Variants in B3GNT5 observed in about 807,000 individuals in gnomAD.
B3GNT5 encodes the protein lactosylceramide 1,3-N-acetyl-beta-D-glucosaminyltransferase.
Under a neutral mutation model 25.9 loss-of-function variants are expected in B3GNT5, and 11 were observed. The observed-to-expected ratio is 0.42, with a 90% CI of 0.27 to 0.70. B3GNT5 has a LOEUF of 0.70. Among genes scored for constraint, B3GNT5 ranks in the 30% least tolerant of loss-of-function variants. The probability of loss-of-function intolerance (pLI) is 0.23; values close to 1 mark genes in which losing one functional copy is unlikely to be tolerated. For missense variants in B3GNT5, 385 were observed against 458.4 expected (o/e 0.84, Z 1.46); for synonymous variants, 166 against 158.6 (o/e 1.05, Z -0.35).
chr3:183,271,068 T>A lies in B3GNT5; in HGVS notation c.*133T>A. 2 of 805,816 alleles carry A rather than the reference T, an allele frequency of 2.5e-6. No homozygotes were observed. The highest frequency in any genetic ancestry group is 5.0e-5 in the South Asian group (2 of 39,888). The allele number at this position is 805,816 out of a possible 1,614,324, so 49.9% of individuals were successfully genotyped here. ...ATTTTGAAAGCCTAGTCCATCAGAA[T>A]GTTTCTTTGATTCTAGAAGCTGTTT... On this transcript the variant is annotated 3_prime_UTR_variant, in exon 2 of 2. Transcript: ENST00000326505.
chr3:183,272,593 A>G lies in B3GNT5; in HGVS notation c.*1658A>G, dbSNP rs1287055799. ...AATTTAGAATTTTTAACTAATGTCA[A>G]AACTACAGTGTCAAACATTCTAGGT... is the stretch of plus-strand genomic sequence containing the variant. On this transcript the variant is annotated 3_prime_UTR_variant, in exon 2 of 2. Coordinates refer to ENST00000326505, the MANE Select transcript of B3GNT5 (RefSeq NM_032047.5). 16 of 995,736 alleles carry G rather than the reference A, an allele frequency of 1.6e-5. No individual in the cohort carries two copies. The highest frequency in any genetic ancestry group is 1.9e-5 in the Non-Finnish European group (16 of 825,910). The allele number at this position is 995,736 out of a possible 1,614,324, so 61.7% of individuals were successfully genotyped here.
Position 183,273,072 on chromosome 3 carries a change from TA to T in B3GNT5, c.*2141del, listed in dbSNP as rs547878320. 1.1e-4 allele frequency: 156 copies of T among 1,468,650 alleles called. 1 individual carries two copies. The African/African-American group carries it at 2.0e-3, about 19-fold the overall frequency. 91.0% of individuals were successfully genotyped at this position (1,468,650 alleles called of 1,614,324 possible). Reference sequence around the variant, plus strand: ...AAGTACTGAGAAGAGTATCTGTAAATAAAAGGGTTCCAACCTTTTAAAAAAG... The same window carrying T: ...AAGTACTGAGAAGAGTATCTGTAAATAAAGGGTTCCAACCTTTTAAAAAAG... On this transcript the variant is annotated 3_prime_UTR_variant, in exon 2 of 2. Transcript: ENST00000326505.
intron 1 of B3GNT5, among the ~76,000 whole-genome samples, chr3:183,264,673 AC>A (rs1725930009): frequency 6.6e-6 from 1 of 152,230 alleles, no homozygotes; most frequent in African/African-American, 2.4e-5. Flanking sequence ...AGCAGGTTTC[AC>A]ATATTATCTC....
intron 1 of B3GNT5, chr3:183,258,525 C>G (rs1291535472): frequency 6.6e-6 from 1 of 152,288 alleles, no homozygotes; most frequent in African/African-American, 2.4e-5. Context: ...CCCCAGTTTC[C>G]ATCTTCTCCC....
intron 1 of B3GNT5, among the ~76,000 whole-genome samples, chr3:183,266,828 C>T (rs1043430480): frequency 6.6e-6 from 1 of 151,322 alleles, no homozygotes; most frequent in Admixed American, 6.6e-5. Context: ...ATTCTGTCAC[C>T]CAGGCTGGAG....
Position 183,272,725 on chromosome 3 carries a change from G to T in B3GNT5, c.*1790G>T. On this transcript the variant is annotated 3_prime_UTR_variant, in exon 2 of 2. Transcript: ENST00000326505. The stretch of plus-strand genomic sequence containing the variant: ...AAAAGCATATTTGACCAAGCAACAA[G>T]CTTATAATTAATTTTTATTAGTTGA... The T allele has an allele frequency of 9.7e-7, 1 of 1,031,846 alleles. No individual in the cohort carries two copies. Among genetic ancestry groups the T allele is most frequent in the Non-Finnish European group, 1.2e-6 (1 of 850,850 alleles). 63.9% of individuals were successfully genotyped at this position (1,031,846 alleles called of 1,614,324 possible). A position where few individuals can be genotyped will look rare whatever the true frequency, so the allele number is the denominator to read the frequency against.
At chr3:183,256,281 C>T (rs1416445658) in intron 1 of B3GNT5, among the ~76,000 whole-genome samples, 1 of 152,068 alleles carries the variant, frequency 6.6e-6, no homozygotes, top group Non-Finnish European at 1.5e-5. Flanking sequence ...CCTTTGATAT[C>T]GAATCTCTGT....
At position 183,273,000 on chromosome 3, in the gene B3GNT5, T is replaced by C. The variant is rs904455214; in HGVS notation, c.*2065T>C. 2.0e-6 allele frequency: 3 copies of C among 1,480,564 alleles called. No homozygotes were observed. Among genetic ancestry groups the C allele is most frequent in the African/African-American group, 2.9e-5 (2 of 68,484 alleles). The allele number at this position is 1,480,564 out of a possible 1,614,324, so 91.7% of individuals were successfully genotyped here. A position where few individuals can be genotyped will look rare whatever the true frequency, so the allele number is the denominator to read the frequency against. On this transcript the variant is annotated 3_prime_UTR_variant, in exon 2 of 2. Coordinates refer to ENST00000326505, the MANE Select transcript of B3GNT5 (RefSeq NM_032047.5). ...AGGAAATATGAAGGCACTTCCTTTT[T>C]TTCTAAGAAGGAAGTTGCTAGATGA...
Position 183,270,525 on chromosome 3 carries a change from A to G in B3GNT5, c.727A>G (p.Met243Val). Residue 243 changes from methionine (M) to valine (V), a missense_variant, in exon 2 of 2, where the codon ATG becomes GTG. Physicochemically the swap from Met to Val is conservative, Grantham distance 21 (BLOSUM62 1). Coordinates refer to ENST00000326505, the MANE Select transcript of B3GNT5 (RefSeq NM_032047.5). This position sits in a 1 kb window ranked among gnomAD's most constrained non-coding sequence, Gnocchi z 4.5. The part of the protein sequence containing the change: ...KSSKYYVSYE[M>V]YQWPAYPDYT... ...CAGCAAATACTACGTGTCCTATGAA[A>G]TGTACCAGTGGCCAGCTTACCCTGA... 3 of 1,614,134 alleles carry G rather than the reference A, an allele frequency of 1.9e-6. No homozygotes were observed. Among genetic ancestry groups the G allele is most frequent in the Non-Finnish European group, 2.5e-6 (3 of 1,180,004 alleles).
At position 183,270,891 on chromosome 3, in the gene B3GNT5, A is replaced by G. The variant is rs965776639; in HGVS notation, c.1093A>G (p.Ile365Val). ...RLMKIILLCK[I>V]SYVDTYPCRA... is the part of the protein sequence containing the mutation. ...AATGAAGATAATTCTCCTTTGTAAAATTAGCTATGTGGACACATACCCTTG... is the reference window on the plus strand; with the variant it reads ...AATGAAGATAATTCTCCTTTGTAAAGTTAGCTATGTGGACACATACCCTTG... Residue 365 changes from isoleucine (I) to valine (V), a missense_variant, in exon 2 of 2, where the codon ATT becomes GTT. Physicochemically the swap from Ile to Val is conservative, Grantham distance 29 (BLOSUM62 3). Coordinates refer to ENST00000326505, the MANE Select transcript of B3GNT5 (RefSeq NM_032047.5). The surrounding 1 kb of genome is among the most constrained non-coding windows in gnomAD (Gnocchi z 4.5). 2.5e-6 allele frequency: 4 copies of G among 1,606,756 alleles called. No individual in the cohort carries two copies. The African/African-American group carries it at 4.0e-5, about 16-fold the overall frequency.
rs1214779226 is a variant in B3GNT5, at chr3:183,269,972, G to C, written c.174G>C (p.Val58=). 1 of 1,614,012 alleles carries C rather than the reference G, an allele frequency of 6.2e-7. No homozygotes were observed. The highest frequency in any genetic ancestry group is 1.3e-5 in the African/African-American group (1 of 74,908). The change falls in exon 2 of 2, where the codon GTG becomes GTC. Residue 58 remains valine (V), a synonymous_variant. Coordinates refer to ENST00000326505, the MANE Select transcript of B3GNT5 (RefSeq NM_032047.5). ...ACCTCATAAATAGCTATGACTTTGT[G>C]AATGATACCCTGTCTCTTAAGCACA... ...YRYLINSYDF[V]NDTLSLKHTS...
At position 183,269,828 on chromosome 3, in the gene B3GNT5, CA is replaced by C; in HGVS notation, c.36del (p.Lys12AsnfsTer4). On this transcript the variant is annotated frameshift_variant, in exon 2 of 2. Transcript: ENST00000326505. LOFTEE classifies it high-confidence loss of function. MRMLVSGRRV[K>X]KWQLIIQLFA... ...GAATGTTGGTTAGTGGCAGAAGAGT[CA>C]AAAAATGGCAGTTAATTATTCAGTT... 1 of 1,610,604 alleles carries C rather than the reference CA, an allele frequency of 6.2e-7. No individual in the cohort carries two copies. The highest frequency in any genetic ancestry group is 2.2e-5 in the East Asian group (1 of 44,872).
At chr3:183,261,697 T>TC in intron 1 of B3GNT5, among the ~76,000 whole-genome samples, 1 of 152,170 alleles carries the variant, frequency 6.6e-6, no homozygotes, top group South Asian at 2.1e-4. Flanking sequence ...GTATTTTATT[T>TC]CCCCCGCAAG....
chr3:183,261,961 T>TA (rs59219335), intron 1 of B3GNT5, among the ~76,000 whole-genome samples: 8,836 of 112,008 alleles, frequency 0.079, 390 homozygotes, highest in Non-Finnish European at 0.11. Context: ...TGTCCAGCAT[T>TA]AAAAAAAAAA....
rs759391014 is a variant in B3GNT5, at chr3:183,269,966, C to T, written c.168C>T (p.Asp56=). 24 of 1,614,002 alleles carry T rather than the reference C, an allele frequency of 1.5e-5. No individual in the cohort carries two copies. Among genetic ancestry groups the T allele is most frequent in the Non-Finnish European group, 1.9e-5 (22 of 1,180,028 alleles). ...YSYRYLINSY[D]FVNDTLSLKH... ...ACAGATACCTCATAAATAGCTATGA[C>T]TTTGTGAATGATACCCTGTCTCTTA... Residue 56 remains aspartate (D), a synonymous_variant, in exon 2 of 2, where the codon GAC becomes GAT. Coordinates refer to ENST00000326505, the MANE Select transcript of B3GNT5 (RefSeq NM_032047.5).
In B3GNT5 at chr3:183,261,961, TAA is replaced by T. The variant is rs59219335; in HGVS notation, c.-301-7522_-301-7521del. Reference sequence around the variant, plus strand: ...TTTAGGAGGTTTTCATGTCCAGCATTAAAAAAAAAAAAAAAAGAATAGAATTG... The same window carrying T: ...TTTAGGAGGTTTTCATGTCCAGCATTAAAAAAAAAAAAAAGAATAGAATTG... On this transcript the variant is annotated intron_variant, in intron 1 of 1. Coordinates refer to ENST00000326505, the MANE Select transcript of B3GNT5 (RefSeq NM_032047.5). Among the ~76,000 whole-genome samples, 665 of 112,068 alleles carry T rather than the reference TAA, an allele frequency of 5.9e-3. 5 individuals are homozygous for T. Among genetic ancestry groups the T allele is most frequent in the African/African-American group, 0.019 (583 of 30,088 alleles). 73.5% of individuals were successfully genotyped at this position (112,068 alleles called of 152,430 possible). A position where few individuals can be genotyped will look rare whatever the true frequency, so the allele number is the denominator to read the frequency against.
Position 183,271,014 on chromosome 3 carries a change from C to A in B3GNT5, c.*79C>A. On this transcript the variant is annotated 3_prime_UTR_variant, in exon 2 of 2. Transcript: ENST00000326505. ...AAAACCTTTAAATGTTCGTCTATAC[C>A]CTAAGTAAAATGAGGACGAAAGACA... 7.5e-7 allele frequency: 1 copy of A among 1,331,556 alleles called. No individual in the cohort carries two copies. Among genetic ancestry groups the A allele is most frequent in the Non-Finnish European group, 1.0e-6 (1 of 983,798 alleles). 82.5% of individuals were successfully genotyped at this position (1,331,556 alleles called of 1,614,324 possible).
At chr3:183,265,979 T>C (rs1334285632) in intron 1 of B3GNT5, 2 of 152,230 alleles carry the variant, frequency 1.3e-5, no homozygotes, top group East Asian at 3.8e-4. Context: ...GCATTTTGAC[T>C]TGTTGATGTC....
chr3:183,269,885 GT>G lies in B3GNT5; in HGVS notation c.94del (p.Trp32GlyfsTer9), dbSNP rs1726576756. On this transcript the variant is annotated frameshift_variant, in exon 2 of 2. Coordinates refer to ENST00000326505, the MANE Select transcript of B3GNT5 (RefSeq NM_032047.5). LOFTEE classifies it high-confidence loss of function. ...CTACTTGTTTTTTAGCGAGCCTCAT[GT>G]TTTTTTGGGAACCAATCGATAATCA... The part of the protein sequence containing the change: ...FATCFLASLM[F>X]FWEPIDNHIV... 3 of 1,613,790 alleles carry G rather than the reference GT, an allele frequency of 1.9e-6. No individual in the cohort carries two copies. The highest frequency in any genetic ancestry group is 1.3e-5 in the African/African-American group (1 of 74,876).
Sources: allele counts gnomAD v4.1 joint callset (sites outside exome capture counted in the v4.1 genomes callset), GRCh38; gene constraint gnomAD v4.1.1; non-coding constraint Gnocchi (gnomAD v3.1); transcripts MANE v1.5; gene names NCBI Gene and HGNC (gene_info 2026-07-23, HGNC 2026-07-21).